Variants in TBC1D5 observed in about 807,000 individuals in gnomAD.
TBC1D5 encodes TBC1 domain family member 5.
TBC1D5 carries 75 observed loss-of-function variants against 100.3 expected under a neutral mutation model. That is an observed-to-expected ratio of 0.75 (90% CI 0.62 to 0.91). The LOEUF (loss-of-function observed/expected upper bound fraction) is 0.91. TBC1D5 is among the 40% of genes least tolerant of loss of function. The pLI is 0.00. For synonymous variants in TBC1D5, 323 were observed against 325.6 expected (o/e 0.99, Z 0.09); for missense variants, 910 against 942.4 (o/e 0.97, Z 0.45).
chr3:17,299,114 T>C (rs1028027998), intron 14 of TBC1D5, among the ~76,000 whole-genome samples: 1 of 152,228 alleles, frequency 6.6e-6, no homozygotes, highest in African/African-American at 2.4e-5. Context: ...CTTTAGGGCT[T>C]TAAGTAAAAC....
At chr3:17,525,426 C>T (rs1019596216) in intron 2 of TBC1D5, among the ~76,000 whole-genome samples, 17 of 152,198 alleles carry the variant, frequency 1.1e-4, no homozygotes, top group East Asian at 1.9e-4. Flanking sequence ...CCACCACACC[C>T]GGCCAGGGAT....
chr3:17,445,572 C>G (rs1470283993), intron 3 of TBC1D5, among the ~76,000 whole-genome samples: 1 of 151,986 alleles, frequency 6.6e-6, no homozygotes, highest in Admixed American at 6.6e-5. Flanking sequence ...TTTCAGTTAC[C>G]TGCAGTGAAC....
chr3:17,573,227 G>A (rs770571837), intron 2 of TBC1D5, among the ~76,000 whole-genome samples: 16 of 152,010 alleles, frequency 1.1e-4, no homozygotes, highest in African/African-American at 2.7e-4. Context: ...TTTCCTTTCC[G>A]GTCTTCTCAG....
At chr3:17,177,373 G>A (rs1247447777) in intron 19 of TBC1D5, among the ~76,000 whole-genome samples, 1 of 152,134 alleles carries the variant, frequency 6.6e-6, no homozygotes, top group African/African-American at 2.4e-5. Flanking sequence ...AATAAAACCA[G>A]GGGGAAACAA....
intron 16 of TBC1D5, among the ~76,000 whole-genome samples, chr3:17,239,009 C>G (rs1215497978): frequency 6.6e-6 from 1 of 152,160 alleles, no homozygotes; most frequent in Non-Finnish European, 1.5e-5. Context: ...TCCTCCTTCT[C>G]CACTTCCCTG....
intron 13 of TBC1D5, among the ~76,000 whole-genome samples, chr3:17,322,236 T>C (rs944154924): frequency 6.6e-6 from 1 of 152,256 alleles, no homozygotes; most frequent in Admixed American, 6.5e-5. Flanking sequence ...CATACCTTCA[T>C]TTCTGTTTGC....
chr3:17,160,844 AATGC>A, exon 22 of TBC1D5: 1 of 1,315,914 alleles, frequency 7.6e-7, no homozygotes, highest in East Asian at 2.5e-5. Flanking sequence ...ACCAATGCAA[AATGC>A]ATGCCGGGAA....
chr3:17,291,948 T>C (rs754437418), exon 15 of TBC1D5: 1 of 1,613,858 alleles, frequency 6.2e-7, no homozygotes, highest in Non-Finnish European at 8.5e-7. Flanking sequence ...ACATCCCCGA[T>C]GAATGGGTAA....
chr3:17,193,595 G>C (rs2070257211), intron 18 of TBC1D5, among the ~76,000 whole-genome samples: 1 of 152,160 alleles, frequency 6.6e-6, no homozygotes, highest in Non-Finnish European at 1.5e-5. Flanking sequence ...TTGCTTATAA[G>C]TTTTATTGAG....
At chr3:17,607,069 A>G (rs906058011) in intron 2 of TBC1D5, among the ~76,000 whole-genome samples, 1 of 152,224 alleles carries the variant, frequency 6.6e-6, no homozygotes, top group African/African-American at 2.4e-5. Context: ...ATTTTCCAGA[A>G]TATCTCCTTT....
chr3:17,284,777 T>G (rs1262322415), intron 15 of TBC1D5, among the ~76,000 whole-genome samples: 2 of 152,232 alleles, frequency 1.3e-5, no homozygotes, highest in Non-Finnish European at 2.9e-5. Context: ...CAGCATTTAC[T>G]CAGAAGTAAA....
chr3:17,235,338 T>G (rs943016756), intron 17 of TBC1D5, among the ~76,000 whole-genome samples: 2 of 152,212 alleles, frequency 1.3e-5, no homozygotes, highest in Admixed American at 6.5e-5. Context: ...AGTTTCATCT[T>G]TATAAACAAC....
At chr3:17,710,781 G>A (rs2074649375) in intron 1 of TBC1D5, among the ~76,000 whole-genome samples, 1 of 151,866 alleles carries the variant, frequency 6.6e-6, no homozygotes, top group Non-Finnish European at 1.5e-5. Flanking sequence ...CACTGCAACT[G>A]CCATCTCCCA....
At position 17,486,028 on chromosome 3, in the gene TBC1D5, G is replaced by T. The variant is rs1270832271; in HGVS notation, c.97+22446C>A. Among the ~76,000 whole-genome samples, 261 of 151,428 alleles carry T rather than the reference G, an allele frequency of 1.7e-3. 1 individual carries two copies. Among genetic ancestry groups the T allele is most frequent in the African/African-American group, 6.0e-3 (247 of 40,848 alleles). On this transcript the variant is annotated intron_variant, in intron 3 of 21. Coordinates refer to ENST00000253692, the Ensembl canonical transcript of TBC1D5. Reference sequence around the variant, plus strand: ...GTTGTTTCCTGACTTTTTAATGGTCGCCATTCTAACTGGTGTGAGATGGTA... The same window carrying T: ...GTTGTTTCCTGACTTTTTAATGGTCTCCATTCTAACTGGTGTGAGATGGTA...
chr3:17,535,514 G>A (rs1220766302), intron 2 of TBC1D5, among the ~76,000 whole-genome samples: 1 of 152,000 alleles, frequency 6.6e-6, no homozygotes, highest in East Asian at 1.9e-4. Flanking sequence ...GATAGTTAAG[G>A]GCCTGTCAAT....
Position 17,517,775 on chromosome 3 carries a change from CTG to C in TBC1D5, c.-35-9172_-35-9171del, listed in dbSNP as rs573019889. On this transcript the variant is annotated intron_variant, in intron 2 of 21. Transcript: ENST00000253692. ...CAAACATGATATACTATATAACTAA[CTG>C]CATTTACTCCTATTTTGAAAGATGT... Among the ~76,000 whole-genome samples, 474 of 152,132 alleles carry C rather than the reference CTG, an allele frequency of 3.1e-3. 4 individuals are homozygous for C. The highest frequency in any genetic ancestry group is 0.011 in the African/African-American group (450 of 41,522).
intron 18 of TBC1D5, among the ~76,000 whole-genome samples, chr3:17,188,968 T>C (rs558501729): frequency 1.3e-5 from 2 of 152,316 alleles, no homozygotes; most frequent in Admixed American, 6.5e-5. Context: ...CTGCCTTCCA[T>C]TATAGGAGGG....
chr3:17,430,706 C>T (rs77263760), intron 3 of TBC1D5, among the ~76,000 whole-genome samples: 4 of 151,870 alleles, frequency 2.6e-5, no homozygotes, highest in Admixed American at 6.6e-5. Context: ...TTTATGAAAA[C>T]ATCTGTTCCT....
rs190654379 is a variant in TBC1D5 at position 17,398,309 on chromosome 3, T to C, written c.509+4872A>G. Among the ~76,000 whole-genome samples, 525 of 151,960 alleles carry C rather than the reference T, an allele frequency of 3.5e-3. 4 individuals carry two copies. Among genetic ancestry groups the C allele is most frequent in the African/African-American group, 0.012 (497 of 41,514 alleles). ...TAATTGAAATGATTGCAAAACGCTT[T>C]GAGGCAAAAAAGGGTGACATAAAGG... On this transcript the variant is annotated intron_variant, in intron 8 of 21. Coordinates refer to ENST00000253692, the Ensembl canonical transcript of TBC1D5.
Sources: gnomAD v4.1 joint callset for allele counts (sites outside exome capture counted in the v4.1 genomes callset) on GRCh38, gnomAD v4.1.1 for gene constraint, MANE v1.5 for transcripts, NCBI Gene and HGNC (gene_info 2026-07-23, HGNC 2026-07-21) for gene names.